Variants in RMC1 observed in about 807,000 individuals in gnomAD.
RMC1 encodes regulator of MON1-CCZ1, also known as regulator of MON1-CCZ1 complex.
A neutral mutation model predicts 95.5 loss-of-function variants in RMC1; 44 were observed. That is an observed-to-expected ratio of 0.46 (90% confidence interval 0.36 to 0.59). RMC1 has a LOEUF of 0.59. RMC1 is among the 20% of genes least tolerant of loss of function. The pLI, the probability that RMC1 is intolerant of heterozygous loss-of-function variation, is 0.00. For missense variants in RMC1, 705 were observed against 819.6 expected (o/e 0.86, Z 1.71); for synonymous variants, 320 against 303.6 (o/e 1.05, Z -0.56).
Position 23,516,281 on chromosome 18 carries a change from T to C in RMC1, c.550-39T>C. The C allele has an allele frequency of 2.5e-6, 4 of 1,595,450 alleles. No individual in the cohort carries two copies. The African/African-American group carries it at 5.4e-5, about 21-fold the overall frequency. On this transcript the variant is annotated intron_variant, in intron 6 of 19. Coordinates refer to ENST00000269221, the MANE Select transcript of RMC1 (RefSeq NM_013326.5). ...AGGGAATGATGAAACATTGAAGGGGTTTAATAAGCTTTTCCTAAAACATTT... is the reference window on the plus strand; with the variant it reads ...AGGGAATGATGAAACATTGAAGGGGCTTAATAAGCTTTTCCTAAAACATTT...
chr18:23,504,498 T>C, intron 2 of RMC1, 51 bp downstream of exon 2: 3 of 1,493,326 alleles, frequency 2.0e-6, no homozygotes, highest in Non-Finnish European at 2.8e-6. Flanking sequence ...CAGAATGATG[T>C]TTTTCTAATT....
intron 8 of RMC1, 37 bp downstream of exon 8, chr18:23,519,016 T>A: frequency 6.2e-7 from 1 of 1,613,568 alleles, no homozygotes; most frequent in Non-Finnish European, 8.5e-7. Flanking sequence ...TCTCTCTGAT[T>A]TTAAAATGTG....
chr18:23,525,968 T>C (rs915471845), intron 12 of RMC1, among the ~76,000 whole-genome samples: 8 of 152,214 alleles, frequency 5.3e-5, no homozygotes, highest in African/African-American at 1.9e-4. Flanking sequence ...ACATCCACTG[T>C]ATGTATGTAA....
chr18:23,531,368 A>C (rs538850397), intron 19 of RMC1: 20 of 522,254 alleles, frequency 3.8e-5, no homozygotes, highest in African/African-American at 3.8e-4. Context: ...AGGGCTGTCT[A>C]ATGAAACTTC....
intron 9 of RMC1, among the ~76,000 whole-genome samples, chr18:23,519,628 T>C (rs1598880499): frequency 6.6e-6 from 1 of 152,224 alleles, no homozygotes. Flanking sequence ...TCAAGTAGTT[T>C]AGAAAAAAGT....
Position 23,519,126 on chromosome 18 carries a change from C to A in RMC1, c.801C>A (p.Ala267=). The change falls in exon 9 of 20, where the codon GCC becomes GCA. Residue 267 remains alanine, a synonymous_variant. Coordinates refer to ENST00000269221, the MANE Select transcript of RMC1 (RefSeq NM_013326.5). The part of the protein sequence containing the change: ...ILKLNRTGKF[A]LNVVDNLVVV... ...AGTTAAATAGGACGGGAAAGTTTGC[C>A]CTGAACGTGGTGGACAACCTGGTAG... 6.2e-7 allele frequency: 1 copy of A among 1,614,112 alleles called. No individual in the cohort carries two copies. The highest frequency in any genetic ancestry group is 8.5e-7 in the Non-Finnish European group (1 of 1,180,030).
At chr18:23,526,956 TAGAAA>T (rs1421536960) in intron 13 of RMC1, among the ~76,000 whole-genome samples, 191 bp downstream of exon 13, 5 of 151,982 alleles carry the variant, frequency 3.3e-5, no homozygotes, top group Non-Finnish European at 7.4e-5. Context: ...GAGATACTGG[TAGAAA>T]AGAACAATAA....
intron 1 of RMC1, 128 bp from the exon 2 acceptor site, chr18:23,504,243 G>T: frequency 1.3e-6 from 1 of 751,120 alleles, no homozygotes. Context: ...TCTGTACCTT[G>T]ATATGTGCCG....
Position 23,506,961 on chromosome 18 carries a change from T to C in RMC1, c.180-9T>C, listed in dbSNP as rs2057731969. The C allele has an allele frequency of 6.3e-7, 1 of 1,575,186 alleles. No individual in the cohort carries two copies. Among genetic ancestry groups the C allele is most frequent in the Non-Finnish European group, 8.7e-7 (1 of 1,150,794 alleles). Reference sequence around the variant, plus strand: ...TATTTAACTACTAACACAATCTTTCTTCTTAAAGAATGGATGACAAAGGAG... The same window carrying C: ...TATTTAACTACTAACACAATCTTTCCTCTTAAAGAATGGATGACAAAGGAG... On this transcript the variant is annotated splice_polypyrimidine_tract_variant and intron_variant, in intron 2 of 19. Transcript: ENST00000269221.
intron 16 of RMC1, 136 bp from the exon 17 acceptor site, chr18:23,529,892 C>T: frequency 9.4e-7 from 1 of 1,059,754 alleles, no homozygotes; most frequent in East Asian, 2.4e-5. Context: ...GGGGTCTTTA[C>T]CTGCATGACG....
In RMC1 at chr18:23,531,735, T is replaced by G. The variant is rs746544155; in HGVS notation, c.*31T>G. 4 of 1,593,066 alleles carry G rather than the reference T, an allele frequency of 2.5e-6. No homozygotes were observed. The highest frequency in any genetic ancestry group is 3.4e-6 in the Non-Finnish European group (4 of 1,173,966). On this transcript the variant is annotated 3_prime_UTR_variant, in exon 20 of 20. Coordinates refer to ENST00000269221, the MANE Select transcript of RMC1 (RefSeq NM_013326.5). The stretch of plus-strand genomic sequence containing the variant: ...CTTGCTGTTTTTTTATATAAAAATG[T>G]GTACAAAGTTAATTTATTGCATTAA...
At chr18:23,516,794 C>T (rs1446822541) in intron 7 of RMC1, among the ~76,000 whole-genome samples, 2 of 148,528 alleles carry the variant, frequency 1.3e-5, no homozygotes, top group Non-Finnish European at 3.0e-5. Context: ...GGTGCAGTGT[C>T]GGCTCACTGC....
intron 2 of RMC1, among the ~76,000 whole-genome samples, chr18:23,504,963 C>A (rs2057676722): frequency 6.6e-6 from 1 of 152,138 alleles, no homozygotes; most frequent in African/African-American, 2.4e-5. Flanking sequence ...AGCTATCTGG[C>A]CACTGTAACA....
chr18:23,505,733 A>G (rs1217056695), intron 2 of RMC1, among the ~76,000 whole-genome samples: 1 of 152,114 alleles, frequency 6.6e-6, no homozygotes, highest in Non-Finnish European at 1.5e-5. Context: ...TGCATAGGCA[A>G]TCAAGGGATA....
At chr18:23,526,182 GT>G (rs2058293135) in intron 12 of RMC1, among the ~76,000 whole-genome samples, 1 of 152,230 alleles carries the variant, frequency 6.6e-6, no homozygotes, top group African/African-American at 2.4e-5. Flanking sequence ...GAATGGATGA[GT>G]TATGATGTTC....
At chr18:23,504,014 G>A (rs2057655113) in intron 1 of RMC1, among the ~76,000 whole-genome samples, 1 of 152,194 alleles carries the variant, frequency 6.6e-6, no homozygotes, top group African/African-American at 2.4e-5. Context: ...TGTTGTGTTT[G>A]TCATTAGTTA....
At chr18:23,510,673 T>G (rs1461028632) in intron 5 of RMC1, among the ~76,000 whole-genome samples, 1 of 148,634 alleles carries the variant, frequency 6.7e-6, no homozygotes, top group African/African-American at 2.5e-5. Context: ...GCAAAGGACA[T>G]GAGCAGACAC....
At chr18:23,524,512 C>T (rs1472741923) in intron 12 of RMC1, 30 bp downstream of exon 12, 2 of 1,609,472 alleles carry the variant, frequency 1.2e-6, no homozygotes, top group Non-Finnish European at 1.7e-6. Context: ...TGTCGTGTTA[C>T]AACATGGTGC....
At chr18:23,526,824 C>G in intron 13 of RMC1, 59 bp downstream of exon 13, 1 of 1,581,582 alleles carries the variant, frequency 6.3e-7, no homozygotes, top group South Asian at 1.1e-5. Flanking sequence ...CTGCCCAACA[C>G]TTTTTATCGG....
Sources: gnomAD v4.1 joint callset for allele counts (sites outside exome capture counted in the v4.1 genomes callset) on GRCh38, gnomAD v4.1.1 for gene constraint, MANE v1.5 for transcripts, NCBI Gene and HGNC (gene_info 2026-07-23, HGNC 2026-07-21) for gene names.